The following HHIPL1 variants were observed in gnomAD, a reference collection of about 807,000 sequenced individuals.
HHIPL1 encodes HHIP like 1.
HHIPL1 carries 43 observed loss-of-function variants against 61.8 expected under a neutral mutation model. The observed-to-expected ratio is 0.70, with a 90% CI of 0.55 to 0.90. The LOEUF (loss-of-function observed/expected upper bound fraction) is 0.90, where lower values mean the gene tolerates loss of function less well. HHIPL1 is among the 40% of genes least tolerant of loss of function. The pLI, the probability that HHIPL1 is intolerant of heterozygous loss-of-function variation, is 0.00. For missense variants in HHIPL1, 1,056 were observed against 1,157.7 expected (o/e 0.91, Z 1.28); for synonymous variants, 482 against 515.8 (o/e 0.93, Z 0.89).
At position 99,645,391 on chromosome 14, in the gene HHIPL1, GC is replaced by G; in HGVS notation, c.187del (p.Leu63TrpfsTer113). ...RDAELTRRFW[A>X]LASRVDAAEW... ...CGCCGAGCTGACCCGCCGCTTCTGGGCCCTGGCGAGCCGCGTGGACGCCGCC... is the reference window on the plus strand; with the variant it reads ...CGCCGAGCTGACCCGCCGCTTCTGGGCCTGGCGAGCCGCGTGGACGCCGCC... On this transcript the variant is annotated frameshift_variant, in exon 1 of 9. Coordinates refer to ENST00000330710, the MANE Select transcript of HHIPL1 (RefSeq NM_001127258.3). LOFTEE classifies it high-confidence loss of function. 7.0e-7 allele frequency: 1 copy of G among 1,424,984 alleles called. No individual in the cohort carries two copies. Among genetic ancestry groups the G allele is most frequent in the South Asian group, 1.4e-5 (1 of 69,614 alleles). 88.3% of individuals were successfully genotyped at this position (1,424,984 alleles called of 1,614,324 possible).
At chr14:99,656,791 G>T (rs1344353943) in intron 2 of HHIPL1, among the ~76,000 whole-genome samples, 2 of 2,380 alleles carry the variant, frequency 8.4e-4, no homozygotes, top group Non-Finnish European at 5.2e-3. Flanking sequence ...GAAAAGAAAA[G>T]AAAGAAAGAA....
rs938189036 is a variant in HHIPL1, at chr14:99,652,659, C to G, written c.691C>G (p.Pro231Ala). The G allele has an allele frequency of 3.7e-6, 6 of 1,613,806 alleles. No individual in the cohort carries two copies. Among genetic ancestry groups the G allele is most frequent in the African/African-American group, 1.3e-5 (1 of 75,070 alleles). The change falls in exon 2 of 9, where the codon CCT becomes GCT. Residue 231 changes from proline to alanine, a missense_variant. Pro to Ala is a conservative substitution (Grantham distance 27). Coordinates refer to ENST00000330710, the MANE Select transcript of HHIPL1 (RefSeq NM_001127258.3). ...GCCCGACCGCTCGAGGCTGGGGAAG[C>G]CTTTCCTGAACATCAGCCGGGTGGT... ...YLPDRSRLGK[P>A]FLNISRVVLT...
At chr14:99,672,129 T>C (rs1450531364) in intron 7 of HHIPL1, among the ~76,000 whole-genome samples, 188 bp from the exon 8 acceptor site, 1 of 152,232 alleles carries the variant, frequency 6.6e-6, no homozygotes, top group East Asian at 1.9e-4. Flanking sequence ...AGGGGATTTA[T>C]GCCCTGGAGC....
chr14:99,623,554 C>T, the HHIPL1 span, among the ~76,000 whole-genome samples: 1 of 152,132 alleles, frequency 6.6e-6, no homozygotes, highest in Non-Finnish European at 1.5e-5. Flanking sequence ...GTTGGGACTG[C>T]AAGAGTGCAC....
rs987089516 is a variant in HHIPL1, at chr14:99,645,261, C to G, written c.54C>G (p.Ala18=). ...TGGCGCTTTGGGTGCTCGGGGCCGC[C>G]GCGCATCCGCAGTGCCTGGACTTCA... ...ALLALWVLGA[A]AHPQCLDFRP... Residue 18 remains alanine (A), a synonymous_variant, in exon 1 of 9, where the codon GCC becomes GCG. Transcript: ENST00000330710. The G allele has an allele frequency of 1.4e-6, 2 of 1,400,998 alleles. No homozygotes were observed. The highest frequency in any genetic ancestry group is 3.1e-5 in the Admixed American group (1 of 32,356). 86.8% of individuals were successfully genotyped at this position (1,400,998 alleles called of 1,614,324 possible). A position where few individuals can be genotyped will look rare whatever the true frequency, so the allele number is the denominator to read the frequency against.
At chr14:99,665,585 C>A (rs1336320233) in intron 6 of HHIPL1, among the ~76,000 whole-genome samples, 1 of 152,198 alleles carries the variant, frequency 6.6e-6, no homozygotes, top group African/African-American at 2.4e-5. Context: ...CAGGCACATG[C>A]AACTATGCCT....
At chr14:99,664,386 G>A (rs2056207403) in intron 6 of HHIPL1, among the ~76,000 whole-genome samples, 1 of 152,222 alleles carries the variant, frequency 6.6e-6, no homozygotes, top group South Asian at 2.1e-4. Flanking sequence ...GGTCAGTAGG[G>A]GGTTAATGTG....
At position 99,668,330 on chromosome 14, in the gene HHIPL1, GC is replaced by G; in HGVS notation, c.1730+28del. The G allele has an allele frequency of 7.1e-7, 1 of 1,413,562 alleles. No individual in the cohort carries two copies. The highest frequency in any genetic ancestry group is 1.0e-6 in the Non-Finnish European group (1 of 997,694). The allele number at this position is 1,413,562 out of a possible 1,614,324, so 87.6% of individuals were successfully genotyped here. ...TGAGTCCCAGCCTCCAGGACAGGGA[GC>G]TCCTGCTGTCTGTCAGGCCTCTTAG... is the stretch of plus-strand genomic sequence containing the variant. On this transcript the variant is annotated intron_variant, in intron 7 of 8. Transcript: ENST00000330710. This position sits in a 1 kb window ranked among gnomAD's most constrained non-coding sequence, Gnocchi z 4.7.
At chr14:99,662,021 C>T (rs2056160786) in intron 5 of HHIPL1, among the ~76,000 whole-genome samples, 1 of 152,260 alleles carries the variant, frequency 6.6e-6, no homozygotes, top group Middle Eastern at 3.4e-3. Flanking sequence ...TCTGTTTTTA[C>T]CCCTGATTCT....
At chr14:99,650,398 C>T (rs566559928) in intron 1 of HHIPL1, among the ~76,000 whole-genome samples, 1 of 152,342 alleles carries the variant, frequency 6.6e-6, no homozygotes, top group Non-Finnish European at 1.5e-5. Flanking sequence ...GGTGGACTCA[C>T]AGGTGGGGGA....
At position 99,663,234 on chromosome 14, in the gene HHIPL1, G is replaced by A. The variant is rs115877787; in HGVS notation, c.1648+213G>A. Among the ~76,000 whole-genome samples, 1,086 of 152,284 alleles carry A rather than the reference G, an allele frequency of 7.1e-3. 8 individuals carry two copies. Among genetic ancestry groups the A allele is most frequent in the African/African-American group, 0.024 (1,010 of 41,534 alleles). ...CCAAGAGAGGGTTCTTGGATCTCAC[G>A]TAAGAAAGAAATCGGGGGAAGTCCA... On this transcript the variant is annotated intron_variant, in intron 6 of 8. Transcript: ENST00000330710.
the HHIPL1 span, among the ~76,000 whole-genome samples, chr14:99,610,105 T>G: frequency 8.1e-4 from 123 of 152,278 alleles, no homozygotes; most frequent in African/African-American, 2.7e-3. Context: ...GCCATGGAAA[T>G]TCTCCGCCTG....
chr14:99,662,703 G>T (rs1010798441), intron 5 of HHIPL1, among the ~76,000 whole-genome samples, 173 bp from the exon 6 acceptor site: 2 of 152,206 alleles, frequency 1.3e-5, no homozygotes, highest in African/African-American at 4.8e-5. Flanking sequence ...AATTGTGTAT[G>T]GTCCTTGCAT....
chr14:99,638,089 T>C, the HHIPL1 span, among the ~76,000 whole-genome samples: 5 of 152,332 alleles, frequency 3.3e-5, no homozygotes, highest in Admixed American at 3.3e-4. Context: ...TGGTAATTTT[T>C]CCATAAGGAT....
rs1413743343 is a variant in HHIPL1, at chr14:99,652,764, C to T, written c.796C>T (p.Leu266Phe). ...FHPSFQHNRR[L>F]YVYYSVGIRS... The stretch of plus-strand genomic sequence containing the variant: ...CCCCAGCTTCCAGCACAACCGCAGG[C>T]TCTACGTCTACTACTCAGTGGGTAT... The change falls in exon 2 of 9, where the codon CTC becomes TTC. Residue 266 changes from leucine (L) to phenylalanine (F), a missense_variant. Transcript: ENST00000330710. The T allele has an allele frequency of 1.2e-6, 2 of 1,613,958 alleles. No homozygotes were observed. The highest frequency in any genetic ancestry group is 1.3e-5 in the African/African-American group (1 of 74,952).
chr14:99,627,396 C>T, the HHIPL1 span, among the ~76,000 whole-genome samples: 1 of 152,202 alleles, frequency 6.6e-6, no homozygotes, highest in Non-Finnish European at 1.5e-5. The surrounding 1 kb of genome is among the most constrained non-coding windows in gnomAD (Gnocchi z 4.4). Context: ...ATCCATCTGT[C>T]CATTCATCTG....
Position 99,660,449 on chromosome 14 carries a change from G to C in HHIPL1, c.1502+43G>C, listed in dbSNP as rs775166484. Reference sequence around the variant, plus strand: ...CTCGCGCCCCTGGCTGCTGCCACTGGCTCCTTGGGACTGGCTCCTTGGTAA... The same window carrying C: ...CTCGCGCCCCTGGCTGCTGCCACTGCCTCCTTGGGACTGGCTCCTTGGTAA... On this transcript the variant is annotated intron_variant, in intron 5 of 8. Transcript: ENST00000330710. This position sits in a 1 kb window ranked among gnomAD's most constrained non-coding sequence, Gnocchi z 4.9. 1.1e-5 allele frequency: 18 copies of C among 1,589,328 alleles called. No homozygotes were observed. The East Asian group carries it at 4.0e-4, about 36-fold the overall frequency.
the HHIPL1 span, among the ~76,000 whole-genome samples, chr14:99,617,920 C>T: frequency 1.3e-5 from 2 of 152,134 alleles, no homozygotes; most frequent in Non-Finnish European, 2.9e-5. Context: ...AGCTGGGGCT[C>T]GGGTATATGT....
chr14:99,671,570 C>T lies in HHIPL1; in HGVS notation c.1731-747C>T, dbSNP rs897569855. Among the ~76,000 whole-genome samples the T allele has an allele frequency of 9.9e-5, 15 of 152,258 alleles. No individual in the cohort carries two copies. In the Middle Eastern group the frequency reaches 0.014, roughly 138 times the overall value. ...GAATCCTATTGAAGTCGTGGGCCCA[C>T]GTGGGTCTGTCCTGGAATGGGGTCA... On this transcript the variant is annotated intron_variant, in intron 7 of 8. Coordinates refer to ENST00000330710, the MANE Select transcript of HHIPL1 (RefSeq NM_001127258.3).
Sources: allele counts gnomAD v4.1 joint callset (sites outside exome capture counted in the v4.1 genomes callset), GRCh38; gene constraint gnomAD v4.1.1; non-coding constraint Gnocchi (gnomAD v3.1); transcripts MANE v1.5; gene names NCBI Gene and HGNC (gene_info 2026-07-23, HGNC 2026-07-21).